ENOX1: variants seen among roughly 807,000 people sequenced by gnomAD.
ENOX1 encodes the protein candidate growth-related and time keeping constitutive hydroquinone (NADH) oxidase.
Under a neutral mutation model 82.5 loss-of-function variants are expected in ENOX1, and 42 were observed. The ratio of observed to expected loss-of-function variants is 0.51; its 90% confidence interval spans 0.40 to 0.66. ENOX1 has a LOEUF of 0.66. Among genes scored for constraint, ENOX1 ranks in the 30% least tolerant of loss-of-function variants. The pLI is 0.00. For synonymous variants in ENOX1, 271 were observed against 282.2 expected (o/e 0.96, Z 0.40); for missense variants, 608 against 811.6 (o/e 0.75, Z 3.05).
Position 43,381,928 on chromosome 13 carries a change from T to C in ENOX1, c.209-20476A>G, listed in dbSNP as rs528655797. Among the ~76,000 whole-genome samples, 19 of 152,120 alleles carry C rather than the reference T, an allele frequency of 1.2e-4. No individual in the cohort carries two copies. In the South Asian group the frequency reaches 2.3e-3, roughly 18 times the overall value. On this transcript the variant is annotated intron_variant, in intron 5 of 16. Coordinates refer to ENST00000690772, the MANE Select transcript of ENOX1 (RefSeq NM_001347969.2). ...ACTTTGCTAGAGAATCCTACTCTAG[T>C]AGAGGTTAAATCTTAAGGAAAAAAT...
At chr13:43,367,853 G>T (rs1211907149) in intron 5 of ENOX1, among the ~76,000 whole-genome samples, 1 of 152,090 alleles carries the variant, frequency 6.6e-6, no homozygotes, top group East Asian at 1.9e-4. Context: ...ATGTAAAAAG[G>T]TATCCCCAAA....
intron 1 of ENOX1, among the ~76,000 whole-genome samples, chr13:43,687,526 G>T (rs112946990): frequency 2.0e-5 from 3 of 152,088 alleles, no homozygotes; most frequent in African/African-American, 7.2e-5. Flanking sequence ...TTCATGATTG[G>T]CTCCCTTAAT....
At chr13:43,675,142 G>A (rs1028257444) in intron 1 of ENOX1, among the ~76,000 whole-genome samples, 1 of 152,210 alleles carries the variant, frequency 6.6e-6, no homozygotes, top group African/African-American at 2.4e-5. Context: ...TCTGGCTGCT[G>A]TATGGAAAAT....
rs142028068 is a variant in ENOX1 at position 43,592,994 on chromosome 13, T to G, written c.-219+74485A>C. ...TCCTTGAAGTTCTCAAAAATATCAG[T>G]AACTATCACGTTAGTTATTCAGCAG... On this transcript the variant is annotated intron_variant, in intron 2 of 16. Transcript: ENST00000690772. Among the ~76,000 whole-genome samples, 6 of 152,374 alleles carry G rather than the reference T, an allele frequency of 3.9e-5. No homozygotes were observed. The East Asian group carries it at 1.2e-3, about 29-fold the overall frequency.
At chr13:43,288,111 T>C (rs965991200) in intron 12 of ENOX1, among the ~76,000 whole-genome samples, 1 of 152,154 alleles carries the variant, frequency 6.6e-6, no homozygotes, top group African/African-American at 2.4e-5. Flanking sequence ...ATCCCAATAT[T>C]CTTGGCCGAG....
At chr13:43,215,125 G>A (rs868337385) in intron 16 of ENOX1, among the ~76,000 whole-genome samples, 1 of 152,120 alleles carries the variant, frequency 6.6e-6, no homozygotes, top group African/African-American at 2.4e-5. Context: ...TCACTGTAGA[G>A]ATATCATTTT....
chr13:43,311,715 C>G (rs1276843803), intron 11 of ENOX1, among the ~76,000 whole-genome samples: 1 of 152,212 alleles, frequency 6.6e-6, no homozygotes, highest in African/African-American at 2.4e-5. Context: ...TCTTTCAAGA[C>G]TTTGTTAGCT....
chr13:43,784,042 C>T (rs1952431570), intron 1 of ENOX1, among the ~76,000 whole-genome samples: 1 of 152,128 alleles, frequency 6.6e-6, no homozygotes, highest in Admixed American at 6.6e-5. Context: ...GATCTATTGG[C>T]CAATTCTACT....
chr13:43,750,528 T>C (rs1304513574), intron 1 of ENOX1, among the ~76,000 whole-genome samples: 2 of 152,136 alleles, frequency 1.3e-5, no homozygotes, highest in Non-Finnish European at 2.9e-5. Flanking sequence ...AGTCTCCAAG[T>C]ATGAAGCTTG....
chr13:43,616,029 T>C (rs776469009), intron 2 of ENOX1, among the ~76,000 whole-genome samples: 1 of 143,500 alleles, frequency 7.0e-6, no homozygotes. Flanking sequence ...GCCTTTGCTA[T>C]TGTGAACAGT....
intron 2 of ENOX1, among the ~76,000 whole-genome samples, chr13:43,647,461 C>T (rs1336470652): frequency 6.6e-6 from 1 of 152,144 alleles, no homozygotes; most frequent in African/African-American, 2.4e-5. Context: ...CCCAGGGTCT[C>T]CATATCCAAC....
intron 16 of ENOX1, among the ~76,000 whole-genome samples, chr13:43,215,218 A>G (rs879626116): frequency 1.3e-5 from 2 of 152,248 alleles, no homozygotes; most frequent in African/African-American, 2.4e-5. Flanking sequence ...TCAACTGTTT[A>G]TTTAATATTC....
intron 5 of ENOX1, among the ~76,000 whole-genome samples, chr13:43,384,114 T>G (rs756916787): frequency 6.6e-6 from 1 of 152,182 alleles, no homozygotes; most frequent in Non-Finnish European, 1.5e-5. Flanking sequence ...AAAAATGAAG[T>G]AATAACAGCA....
rs1566328280 is a variant in ENOX1, at chr13:43,247,842, TATATATATATATATATATATATATATATA to T, written c.1612-11133_1612-11105del. Reference sequence around the variant, plus strand: ...CACAGATGCAACATATATATATATATATATATATATATATATATATATATATATATATATATATATATTTTTTTTTTTTT... The same window carrying T: ...CACAGATGCAACATATATATATATATTATATATATATATTTTTTTTTTTTT... On this transcript the variant is annotated intron_variant, in intron 14 of 16. Coordinates refer to ENST00000690772, the MANE Select transcript of ENOX1 (RefSeq NM_001347969.2). Among the ~76,000 whole-genome samples, 24 of 1,510 alleles carry T rather than the reference TATATATATATATATATATATATATATATA, an allele frequency of 0.016. 1 individual carries two copies. In the East Asian group the frequency reaches 0.2, roughly 12 times the overall value. The allele number at this position is 1,510 out of a possible 152,430, so 1.0% of individuals were successfully genotyped here. A position where few individuals can be genotyped will look rare whatever the true frequency, so the allele number is the denominator to read the frequency against.
chr13:43,578,067 G>C (rs997093539), intron 2 of ENOX1, among the ~76,000 whole-genome samples: 6 of 152,040 alleles, frequency 3.9e-5, no homozygotes, highest in Admixed American at 1.3e-4. Flanking sequence ...TATAATCAGA[G>C]AGAAGAAAGG....
chr13:43,322,296 G>A, intron 11 of ENOX1, 88 bp downstream of exon 11: 1 of 934,292 alleles, frequency 1.1e-6, no homozygotes, highest in Non-Finnish European at 1.6e-6. Flanking sequence ...AAATAAAAGT[G>A]AGTTATAGGG....
At chr13:43,537,037 C>T (rs1490977279) in intron 2 of ENOX1, among the ~76,000 whole-genome samples, 2 of 152,190 alleles carry the variant, frequency 1.3e-5, no homozygotes, top group African/African-American at 4.8e-5. Flanking sequence ...GAAAAAACCA[C>T]ACATAGGTAA....
At chr13:43,403,690 C>G (rs1159293117) in intron 5 of ENOX1, among the ~76,000 whole-genome samples, 1 of 151,910 alleles carries the variant, frequency 6.6e-6, no homozygotes, top group Non-Finnish European at 1.5e-5. Context: ...CTTTCCTAAA[C>G]ATACAAAAAA....
At chr13:43,696,422 G>T (rs1219888667) in intron 1 of ENOX1, among the ~76,000 whole-genome samples, 2 of 152,164 alleles carry the variant, frequency 1.3e-5, no homozygotes, top group Non-Finnish European at 2.9e-5. Context: ...GATATATTTT[G>T]GTTCCTTCTG....
Sources: gnomAD v4.1 joint callset for allele counts (sites outside exome capture counted in the v4.1 genomes callset) on GRCh38, gnomAD v4.1.1 for gene constraint, MANE v1.5 for transcripts, NCBI Gene and HGNC (gene_info 2026-07-23, HGNC 2026-07-21) for gene names.